ANGPT2: variants seen among roughly 807,000 people sequenced by gnomAD.
ANGPT2 encodes the protein angiopoietin 2, also known as angiopoietin-2.
A neutral mutation model predicts 62.9 loss-of-function variants in ANGPT2; 28 were observed. The observed-to-expected ratio is 0.44, with a 90% CI of 0.33 to 0.61. The LOEUF (loss-of-function observed/expected upper bound fraction) is 0.61, where lower values mean the gene tolerates loss of function less well. Among genes scored for constraint, ANGPT2 ranks in the 20% least tolerant of loss-of-function variants. ANGPT2 has a pLI of 0.03. For missense variants in ANGPT2, 727 were observed against 594.9 expected, an observed-to-expected ratio of 1.22 and a Z score of -2.31; for synonymous variants, 284 against 207.8, an observed-to-expected ratio of 1.37 and a Z score of -3.15.
chr8:6,538,786 A>G (rs943254507), intron 1 of ANGPT2, among the ~76,000 whole-genome samples: 4 of 152,238 alleles, frequency 2.6e-5, no homozygotes, highest in African/African-American at 9.7e-5. Flanking sequence ...AGTGAACAGA[A>G]TCCTCAAACT....
At chr8:6,536,390 C>G (rs1406967090) in intron 1 of ANGPT2, among the ~76,000 whole-genome samples, 1 of 98,422 alleles carries the variant, frequency 1.0e-5, no homozygotes, top group African/African-American at 3.9e-5. Context: ...CCGCTTCATA[C>G]TTTTCCAGCC....
At chr8:6,504,095 GA>G (rs2129563718) in intron 8 of ANGPT2, among the ~76,000 whole-genome samples, 1 of 152,232 alleles carries the variant, frequency 6.6e-6, no homozygotes, top group African/African-American at 2.4e-5. Flanking sequence ...GAGGTGGGTG[GA>G]TCACGAGATC....
rs1482624589 is a variant in ANGPT2, at chr8:6,500,344, C to G, written c.*2757G>C. On this transcript the variant is annotated 3_prime_UTR_variant, in exon 9 of 9. Transcript: ENST00000629816. Reference sequence around the variant, plus strand: ...ATTTTTATGGCTTTCCTAAATTCCACTTCAACTTTCAAATGCTTCATTGAA... The same window carrying G: ...ATTTTTATGGCTTTCCTAAATTCCAGTTCAACTTTCAAATGCTTCATTGAA... 6.2e-6 allele frequency: 1 copy of G among 161,522 alleles called. No individual in the cohort carries two copies. The highest frequency in any genetic ancestry group is 1.4e-5 in the Non-Finnish European group (1 of 73,400). 10.0% of individuals were successfully genotyped at this position (161,522 alleles called of 1,614,324 possible). A position where few individuals can be genotyped will look rare whatever the true frequency, so the allele number is the denominator to read the frequency against.
chr8:6,560,386 T>C (rs932311843), intron 1 of ANGPT2, among the ~76,000 whole-genome samples: 18 of 152,192 alleles, frequency 1.2e-4, no homozygotes, highest in African/African-American at 4.3e-4. Context: ...TTCTTCCTCA[T>C]GAGAAAATCA....
chr8:6,536,801 T>A (rs369959102), intron 1 of ANGPT2, among the ~76,000 whole-genome samples: 2 of 152,222 alleles, frequency 1.3e-5, no homozygotes, highest in East Asian at 3.9e-4. Context: ...ACCTTGAAAT[T>A]TCCCTGTCTC....
chr8:6,537,883 C>G (rs893600094), intron 1 of ANGPT2, among the ~76,000 whole-genome samples: 1 of 152,110 alleles, frequency 6.6e-6, no homozygotes, highest in African/African-American at 2.4e-5. Flanking sequence ...TTGAGAGATC[C>G]TTTCTATTTA....
chr8:6,556,886 G>A (rs1023309784), intron 1 of ANGPT2, among the ~76,000 whole-genome samples: 2 of 152,070 alleles, frequency 1.3e-5, no homozygotes, highest in Admixed American at 1.3e-4. Context: ...ACTGTGCCTG[G>A]CTTTAGGCAT....
intron 1 of ANGPT2, among the ~76,000 whole-genome samples, chr8:6,554,671 A>G (rs1275406107): frequency 6.6e-6 from 1 of 152,242 alleles, no homozygotes; most frequent in Non-Finnish European, 1.5e-5. Context: ...TTCCAAAAAT[A>G]ATTCACAGAC....
chr8:6,517,768 G>A (rs73199039), intron 5 of ANGPT2, among the ~76,000 whole-genome samples: 11,963 of 152,146 alleles, frequency 0.079, 539 homozygotes, highest in African/African-American at 0.12. Context: ...TAAATGACTC[G>A]CCCAGAGCCA....
At chr8:6,546,706 A>G (rs1482957535) in intron 1 of ANGPT2, among the ~76,000 whole-genome samples, 1 of 152,224 alleles carries the variant, frequency 6.6e-6, no homozygotes, top group Non-Finnish European at 1.5e-5. Flanking sequence ...CCATGAGCTG[A>G]GAAAGTTTGA....
Position 6,502,007 on chromosome 8 carries a change from G to A in ANGPT2, c.*1094C>T, listed in dbSNP as rs1029312332. On this transcript the variant is annotated 3_prime_UTR_variant, in exon 9 of 9. Coordinates refer to ENST00000629816, the MANE Select transcript of ANGPT2 (RefSeq NM_001118887.2). ...TATTTTTTTCCTTAAGTAAATTTAA[G>A]GGTGAATCTTGAGACATATAGCTTT... The A allele has an allele frequency of 8.6e-5, 13 of 151,302 alleles. No homozygotes were observed. Among genetic ancestry groups the A allele is most frequent in the African/African-American group, 3.2e-4 (13 of 41,120 alleles). The allele number at this position is 151,302 out of a possible 1,614,324, so 9.4% of individuals were successfully genotyped here. A position where few individuals can be genotyped will look rare whatever the true frequency, so the allele number is the denominator to read the frequency against.
intron 2 of ANGPT2, among the ~76,000 whole-genome samples, chr8:6,531,204 C>T (rs923629474): frequency 6.6e-6 from 1 of 151,688 alleles, no homozygotes; most frequent in African/African-American, 2.4e-5. Context: ...ACATGTTGTG[C>T]ATCATTTAGC....
In ANGPT2 at chr8:6,561,266, GA is replaced by G. The variant is rs1248705141; in HGVS notation, c.288+1380del. ...AGGAGCTTAAAAAGACATTGCTAGT[GA>G]GTTTTATGTCACATGAAATCTACAT... On this transcript the variant is annotated intron_variant, in intron 1 of 8. Transcript: ENST00000629816. Among the ~76,000 whole-genome samples the G allele has an allele frequency of 2.0e-5, 3 of 152,342 alleles. No individual in the cohort carries two copies. In the East Asian group the frequency reaches 5.8e-4, roughly 29 times the overall value.
chr8:6,539,579 T>G (rs537763738), intron 1 of ANGPT2, among the ~76,000 whole-genome samples: 1 of 152,246 alleles, frequency 6.6e-6, no homozygotes, highest in Non-Finnish European at 1.5e-5. Flanking sequence ...TTTTTTCTAG[T>G]CATACTTTTT....
At chr8:6,508,722 T>G in intron 8 of ANGPT2, 1 of 675,608 alleles carries the variant, frequency 1.5e-6, no homozygotes, top group Non-Finnish European at 2.5e-6. Context: ...ACAGTTGGCT[T>G]GCTGACAAGT....
In ANGPT2 at chr8:6,499,814, T is replaced by C. The variant is rs1314223157; in HGVS notation, c.*3287A>G. 1.9e-6 allele frequency: 3 copies of C among 1,587,500 alleles called. No homozygotes were observed. In the East Asian group the frequency reaches 6.7e-5, roughly 35 times the overall value. On this transcript the variant is annotated 3_prime_UTR_variant, in exon 9 of 9. Transcript: ENST00000629816. ...TTGGTTTATTGCCTGCTAAGGCTAA[T>C]AAATGTATAATAAATCTGCTTGTTG...
intron 5 of ANGPT2, among the ~76,000 whole-genome samples, chr8:6,518,225 C>T (rs1393803107): frequency 1.3e-5 from 2 of 152,204 alleles, no homozygotes; most frequent in African/African-American, 2.4e-5. Flanking sequence ...CATGCATCCT[C>T]TGTCCCCCCT....
chr8:6,503,366 G>C, intron 8 of ANGPT2, 105 bp from the exon 9 acceptor site: 4 of 1,169,208 alleles, frequency 3.4e-6, no homozygotes, highest in Non-Finnish European at 5.0e-6. Flanking sequence ...CAGGCGTGTG[G>C]AGTAGGCACA....
intron 3 of ANGPT2, 64 bp from the exon 4 acceptor site, chr8:6,521,474 A>T (rs1248321283): frequency 8.7e-7 from 1 of 1,150,096 alleles, no homozygotes; most frequent in African/African-American, 1.6e-5. Context: ...ATATTTATTG[A>T]ATTTCTACTT....
Sources: gnomAD v4.1 joint callset for allele counts (sites outside exome capture counted in the v4.1 genomes callset) on GRCh38, gnomAD v4.1.1 for gene constraint, MANE v1.5 for transcripts, NCBI Gene and HGNC (gene_info 2026-07-23, HGNC 2026-07-21) for gene names.